Variants in RNF146 observed in about 807,000 individuals in gnomAD.
RNF146 encodes E3 ubiquitin-protein ligase RNF146.
A neutral mutation model predicts 29.7 loss-of-function variants in RNF146; 11 were observed. The ratio of observed to expected loss-of-function variants is 0.37; its 90% CI spans 0.23 to 0.61. RNF146 has a LOEUF of 0.61. Among genes scored for constraint, RNF146 ranks in the 20% least tolerant of loss-of-function variants. The pLI is 0.66. For missense variants in RNF146, 342 were observed against 438.9 expected (o/e 0.78, Z 1.97); for synonymous variants, 150 against 159.7 (o/e 0.94, Z 0.46).
Position 127,269,796 on chromosome 6 carries a change from A to G in RNF146, c.-109+2871A>G, listed in dbSNP as rs556188422. Among the ~76,000 whole-genome samples, 14 of 152,278 alleles carry G rather than the reference A, an allele frequency of 9.2e-5. No individual in the cohort carries two copies. In the South Asian group the frequency reaches 2.9e-3, roughly 32 times the overall value. ...ATTTATCTACTCCTTTTATGTATAT[A>G]TAATTTTTTTTGAGTTGTGTACCAA... On this transcript the variant is annotated intron_variant, in intron 1 of 2. Transcript: ENST00000368314.
At chr6:127,270,486 A>G (rs932831794) in intron 1 of RNF146, among the ~76,000 whole-genome samples, 9 of 152,200 alleles carry the variant, frequency 5.9e-5, no homozygotes, top group African/African-American at 2.2e-4. Flanking sequence ...TCTGTTTTAC[A>G]TCCCCCTATT....
intron 2 of RNF146, chr6:127,285,331 T>C: frequency 1.0e-6 from 1 of 985,086 alleles, no homozygotes; most frequent in Non-Finnish European, 1.2e-6. Context: ...GATTATTGTT[T>C]TTCAATTTTT....
intron 2 of RNF146, chr6:127,285,238 T>C (rs1779359053): frequency 1.0e-6 from 1 of 984,988 alleles, no homozygotes; most frequent in African/African-American, 1.7e-5. Context: ...CCTTGTCTAT[T>C]GAGGAACCAA....
chr6:127,273,795 A>G (rs1204143724), intron 1 of RNF146, among the ~76,000 whole-genome samples: 1 of 152,120 alleles, frequency 6.6e-6, no homozygotes, highest in African/African-American at 2.4e-5. Context: ...GGCTAAATAA[A>G]TATGTCTTTG....
intron 2 of RNF146, among the ~76,000 whole-genome samples, chr6:127,282,635 C>T (rs1246528842): frequency 2.0e-5 from 3 of 151,668 alleles, no homozygotes; most frequent in South Asian, 4.1e-4. Flanking sequence ...TCAGCAACCT[C>T]CCTCTAATTA....
chr6:127,277,052 C>T (rs1778307493), intron 1 of RNF146, among the ~76,000 whole-genome samples: 1 of 151,982 alleles, frequency 6.6e-6, no homozygotes, highest in South Asian at 2.1e-4. Context: ...ATTTTCAAGG[C>T]TATTTAAATA....
In RNF146 at chr6:127,287,587, G is replaced by A. The variant is rs748615447; in HGVS notation, c.974G>A (p.Arg325Gln). Reference protein sequence around the residue: ...VSNANQTVPDRSDRSGTDRSV... With the variant: ...VSNANQTVPDQSDRSGTDRSV... ...AATGCAAACCAGACAGTACCCGATC[G>A]ATCAGATCGATCGGGAACTGATCGA... The change falls in exon 3 of 3, where the codon CGA becomes CAA. Residue 325 changes from arginine to glutamine, a missense_variant. Around this residue, in one of 6 missense-constraint regions of RNF146, gnomAD observed 196 missense variants for 208.9 expected, o/e 0.94. Coordinates refer to ENST00000368314, the MANE Select transcript of RNF146 (RefSeq NM_001242850.2). The A allele has an allele frequency of 5.0e-6, 8 of 1,612,556 alleles. No homozygotes were observed. Among genetic ancestry groups the A allele is most frequent in the Middle Eastern group, 1.7e-4 (1 of 6,048 alleles).
At chr6:127,272,017 T>C (rs1388456187) in intron 1 of RNF146, among the ~76,000 whole-genome samples, 2 of 152,198 alleles carry the variant, frequency 1.3e-5, no homozygotes, top group Non-Finnish European at 2.9e-5. Context: ...ATATTTCTAT[T>C]AGATAATACG....
intron 2 of RNF146, chr6:127,285,907 C>T: frequency 2.1e-6 from 1 of 473,510 alleles, no homozygotes; most frequent in East Asian, 3.7e-5. Flanking sequence ...TTAGACCCAT[C>T]AGTACTTAGT....
chr6:127,268,848 C>T (rs984869980), intron 1 of RNF146, among the ~76,000 whole-genome samples: 2 of 151,786 alleles, frequency 1.3e-5, no homozygotes, highest in African/African-American at 4.8e-5. Flanking sequence ...AGGAAAGGAA[C>T]AGACTTTTTT....
intron 1 of RNF146, among the ~76,000 whole-genome samples, chr6:127,271,254 T>A (rs1378437188): frequency 6.6e-6 from 1 of 152,196 alleles, no homozygotes; most frequent in Admixed American, 6.5e-5. Context: ...CTATTAGTAG[T>A]TAAGTTTTTG....
rs182456929 is a variant in RNF146, at chr6:127,286,452, T to A, written c.3-164T>A. ...AGTAGATGCTTACAAAAAATTTTCA[T>A]CGGTTGGAGAGTTTTTCCTCTACTT... On this transcript the variant is annotated intron_variant, in intron 2 of 2. Transcript: ENST00000368314. This position sits in a 1 kb window ranked among gnomAD's most constrained non-coding sequence, Gnocchi z 4.6. 2.6e-4 allele frequency: 204 copies of A among 790,034 alleles called. 2 individuals are homozygous for A. In the East Asian group the frequency reaches 3.8e-3, roughly 15 times the overall value. 48.9% of individuals were successfully genotyped at this position (790,034 alleles called of 1,614,324 possible). A position where few individuals can be genotyped will look rare whatever the true frequency, so the allele number is the denominator to read the frequency against.
chr6:127,270,187 A>G (rs1777268413), intron 1 of RNF146, among the ~76,000 whole-genome samples: 1 of 152,022 alleles, frequency 6.6e-6, no homozygotes, highest in Non-Finnish European at 1.5e-5. Flanking sequence ...AGTTGTATTT[A>G]TTTTTCACTT....
At chr6:127,274,892 A>T (rs1339326079) in intron 1 of RNF146, among the ~76,000 whole-genome samples, 4 of 152,170 alleles carry the variant, frequency 2.6e-5, no homozygotes, top group Non-Finnish European at 4.4e-5. Flanking sequence ...ACCTGCAGTC[A>T]TACCACTGGA....
intron 1 of RNF146, among the ~76,000 whole-genome samples, chr6:127,275,761 T>C (rs1778123844): frequency 6.6e-6 from 1 of 152,080 alleles, no homozygotes; most frequent in Non-Finnish European, 1.5e-5. Context: ...ATTCATAAGC[T>C]GTAAAAGGGA....
chr6:127,268,802 TG>T (rs1406702321), intron 1 of RNF146, among the ~76,000 whole-genome samples: 2 of 152,136 alleles, frequency 1.3e-5, no homozygotes, highest in Non-Finnish European at 2.9e-5. Flanking sequence ...ACTTACAAAG[TG>T]TTTTGTTTCA....
chr6:127,267,474 T>G (rs1017337587), intron 1 of RNF146, among the ~76,000 whole-genome samples: 2 of 152,172 alleles, frequency 1.3e-5, no homozygotes, highest in Non-Finnish European at 2.9e-5. Context: ...TGCTCCATGT[T>G]TTCCCGTGTG....
rs535790304 is a variant in RNF146 at position 127,271,321 on chromosome 6, C to G, written c.-109+4396C>G. Among the ~76,000 whole-genome samples, 14 of 152,226 alleles carry G rather than the reference C, an allele frequency of 9.2e-5. No homozygotes were observed. In the South Asian group the frequency reaches 2.7e-3, roughly 29 times the overall value. ...GCGCAGGGTGTAGACATTCTTAACT[C>G]CTCACATTGTTCAAGGGTCAACTGT... On this transcript the variant is annotated intron_variant, in intron 1 of 2. Transcript: ENST00000368314.
At chr6:127,280,647 A>C in intron 2 of RNF146, 1 of 856,160 alleles carries the variant, frequency 1.2e-6, no homozygotes, top group Non-Finnish European at 1.4e-6. Context: ...AATTTTCTTA[A>C]ATAACTAAGC....
Sources: allele counts gnomAD v4.1 joint callset (sites outside exome capture counted in the v4.1 genomes callset), GRCh38; gene constraint gnomAD v4.1.1; regional missense constraint gnomAD v4.1.1; non-coding constraint Gnocchi (gnomAD v3.1); transcripts MANE v1.5; gene names NCBI Gene and HGNC (gene_info 2026-07-23, HGNC 2026-07-21).